The following SLC14A2 variants were observed in gnomAD, a reference collection of about 807,000 sequenced individuals.
The protein encoded by SLC14A2 is urea transporter 2.
SLC14A2 carries 91 observed loss-of-function variants against 104.6 expected under a neutral mutation model. That is an observed-to-expected ratio of 0.87 (90% confidence interval 0.73 to 1.04). The LOEUF (loss-of-function observed/expected upper bound fraction) is 1.04, where lower values mean the gene tolerates loss of function less well. Ranked by LOEUF, SLC14A2 falls within the 50% of genes least tolerant of loss-of-function variation. The pLI is 0.00. For synonymous variants in SLC14A2, 476 were observed against 466.4 expected, an observed-to-expected ratio of 1.02 and a Z score of -0.27; for missense variants, 1,189 against 1,156.0, an observed-to-expected ratio of 1.03 and a Z score of -0.41.
intron 2 of SLC14A2, among the ~76,000 whole-genome samples, chr18:45,569,043 C>T (rs551460020): frequency 5.1e-4 from 78 of 152,222 alleles, no homozygotes; most frequent in Non-Finnish European, 8.1e-4. Flanking sequence ...AAGTGCCCAC[C>T]TCTCCCATTT....
intron 1 of SLC14A2, among the ~76,000 whole-genome samples, chr18:45,474,546 A>C (rs1352052719): frequency 6.6e-6 from 1 of 152,118 alleles, no homozygotes; most frequent in Admixed American, 6.5e-5. Flanking sequence ...TTATTGCCTC[A>C]ATTTCAGAAC....
At chr18:45,477,879 G>A (rs1037051040) in intron 1 of SLC14A2, among the ~76,000 whole-genome samples, 3 of 152,324 alleles carry the variant, frequency 2.0e-5, no homozygotes, top group Middle Eastern at 3.4e-3. Flanking sequence ...TGCTGTGCTG[G>A]CAGCAAGAAT....
At chr18:45,509,900 G>A (rs1049531584) in intron 2 of SLC14A2, among the ~76,000 whole-genome samples, 1 of 152,200 alleles carries the variant, frequency 6.6e-6, no homozygotes, top group Non-Finnish European at 1.5e-5. Flanking sequence ...CTGGTTCCAT[G>A]TTAGAACCTG....
chr18:45,488,003 GC>G (rs1224864759), intron 2 of SLC14A2, among the ~76,000 whole-genome samples: 5 of 152,104 alleles, frequency 3.3e-5, no homozygotes, highest in African/African-American at 4.8e-5. Flanking sequence ...CTGTACCTAA[GC>G]TTCACTTTTA....
intron 1 of SLC14A2, among the ~76,000 whole-genome samples, chr18:45,351,565 G>C (rs1208103875): frequency 6.6e-6 from 1 of 152,058 alleles, no homozygotes; most frequent in East Asian, 1.9e-4. Context: ...ATGTTGCCCA[G>C]GCTGGTCTTG....
intron 1 of SLC14A2, chr18:45,482,717 G>A (rs953054503): frequency 2.0e-5 from 3 of 152,154 alleles, no homozygotes; most frequent in Non-Finnish European, 2.9e-5. Flanking sequence ...CCTAATCTTG[G>A]AAATGATATC....
At chr18:45,219,545 C>G (rs1331448028) in intron 1 of SLC14A2, among the ~76,000 whole-genome samples, 1 of 152,112 alleles carries the variant, frequency 6.6e-6, no homozygotes, top group Non-Finnish European at 1.5e-5. Context: ...GTAAAATATT[C>G]AGTGGGGGCT....
intron 1 of SLC14A2, among the ~76,000 whole-genome samples, chr18:45,277,319 T>G (rs1486143085): frequency 6.6e-6 from 1 of 152,220 alleles, no homozygotes; most frequent in Non-Finnish European, 1.5e-5. Context: ...CCCAACACAT[T>G]ATAAGATGCC....
At chr18:45,680,061 GC>G (rs2046289463) in intron 19 of SLC14A2, among the ~76,000 whole-genome samples, 1 of 152,300 alleles carries the variant, frequency 6.6e-6, no homozygotes, top group South Asian at 2.1e-4. Context: ...AAGATAGTGA[GC>G]CTCTATGACA....
chr18:45,430,950 G>A (rs2086505275), intron 1 of SLC14A2, among the ~76,000 whole-genome samples: 1 of 152,174 alleles, frequency 6.6e-6, no homozygotes, highest in Non-Finnish European at 1.5e-5. Flanking sequence ...AGTTTAGTGA[G>A]ACTCCCCTGG....
intron 11 of SLC14A2, among the ~76,000 whole-genome samples, chr18:45,664,349 T>C (rs1444216882): frequency 2.6e-5 from 4 of 152,128 alleles, no homozygotes; most frequent in Non-Finnish European, 5.9e-5. Flanking sequence ...TAGAGACCCA[T>C]GGTGGGGAAA....
chr18:45,543,506 C>T (rs930141966), intron 2 of SLC14A2, among the ~76,000 whole-genome samples: 1 of 152,136 alleles, frequency 6.6e-6, no homozygotes, highest in Non-Finnish European at 1.5e-5. Flanking sequence ...GTCTTGCTTA[C>T]CACCAGTGGT....
chr18:45,496,392 C>T (rs1403698399), intron 2 of SLC14A2, among the ~76,000 whole-genome samples: 6 of 152,018 alleles, frequency 3.9e-5, no homozygotes, highest in South Asian at 2.1e-4. Context: ...GTCAGTGGAC[C>T]GGGAGAGGAA....
At chr18:45,219,710 C>A (rs1024576148) in intron 1 of SLC14A2, among the ~76,000 whole-genome samples, 22 of 152,096 alleles carry the variant, frequency 1.4e-4, no homozygotes, top group Admixed American at 1.3e-4. Context: ...CTTTAACCTG[C>A]GTTTTTAAAC....
chr18:45,675,709 A>ATATATTT lies in SLC14A2; in HGVS notation c.2512+1893_2512+1894insATATTTT, dbSNP rs57989993. Reference sequence around the variant, plus strand: ...TCTATATATATATATATATATATATATTTTTTTTTTTTTTTTTTTTGGAGA... The same window carrying ATATATTT: ...TCTATATATATATATATATATATATATATATTTTTTTTTTTTTTTTTTTTTTTGGAGA... On this transcript the variant is annotated intron_variant, in intron 18 of 19. Transcript: ENST00000255226. 2.4e-3 allele frequency among the ~76,000 whole-genome samples: 190 copies of ATATATTT among 78,380 alleles called. 1 individual carries two copies. The highest frequency in any genetic ancestry group is 4.2e-3 in the East Asian group (8 of 1,924). 51.4% of individuals were successfully genotyped at this position (78,380 alleles called of 152,430 possible). A position where few individuals can be genotyped will look rare whatever the true frequency, so the allele number is the denominator to read the frequency against.
chr18:45,600,302 C>A (rs1276325325), intron 2 of SLC14A2, among the ~76,000 whole-genome samples: 1 of 151,968 alleles, frequency 6.6e-6, no homozygotes, highest in African/African-American at 2.4e-5. Flanking sequence ...GAGTGAAGAC[C>A]ATCACGGGAA....
chr18:45,202,032 A>ATG, the SLC14A2 span, among the ~76,000 whole-genome samples: 1 of 152,180 alleles, frequency 6.6e-6, no homozygotes, highest in Non-Finnish European at 1.5e-5. Flanking sequence ...ACTTGGAGAT[A>ATG]TACTAAATTT....
chr18:45,228,402 A>T (rs1382681259), intron 1 of SLC14A2, among the ~76,000 whole-genome samples: 1 of 151,984 alleles, frequency 6.6e-6, no homozygotes, highest in Non-Finnish European at 1.5e-5. Flanking sequence ...TGATGTGTGG[A>T]TGCCCTTCTC....
At chr18:45,329,423 T>C (rs1009884569) in intron 1 of SLC14A2, among the ~76,000 whole-genome samples, 3 of 152,162 alleles carry the variant, frequency 2.0e-5, no homozygotes, top group Admixed American at 2.0e-4. Context: ...CAAATAACCA[T>C]CAATTTGCAG....
Sources: gnomAD v4.1 joint callset for allele counts (sites outside exome capture counted in the v4.1 genomes callset) on GRCh38, gnomAD v4.1.1 for gene constraint, MANE v1.5 for transcripts, NCBI Gene and HGNC (gene_info 2026-07-23, HGNC 2026-07-21) for gene names.